Variants in PRIM2 observed in about 807,000 individuals in gnomAD.
PRIM2 encodes DNA primase large subunit.
In PRIM2, 39 loss-of-function variants were observed where a neutral mutation model predicts 67.3. The ratio of observed to expected loss-of-function variants is 0.58; its 90% CI spans 0.45 to 0.76. The LOEUF is 0.76. Ranked by LOEUF, PRIM2 falls within the 30% of genes least tolerant of loss-of-function variation. The pLI is 0.00. For synonymous variants in PRIM2, 143 were observed against 198.7 expected, an observed-to-expected ratio of 0.72 and a Z score of 2.36; for missense variants, 398 against 598.7, an observed-to-expected ratio of 0.66 and a Z score of 3.50.
At chr6:57,340,661 A>T (rs1217166764) in intron 5 of PRIM2, among the ~76,000 whole-genome samples, 3 of 151,922 alleles carry the variant, frequency 2.0e-5, no homozygotes, top group Non-Finnish European at 4.4e-5. Context: ...AACAATGAGA[A>T]CACATGGACA....
At chr6:57,474,467 C>T (rs1773426253) in intron 7 of PRIM2, among the ~76,000 whole-genome samples, 2 of 152,246 alleles carry the variant, frequency 1.3e-5, no homozygotes, top group South Asian at 4.2e-4. Flanking sequence ...AGCCACCGCG[C>T]CCAGCTTACT....
chr6:57,271,611 TTG>T, the PRIM2 span, among the ~76,000 whole-genome samples: 1 of 152,226 alleles, frequency 6.6e-6, no homozygotes, highest in Non-Finnish European at 1.5e-5. Context: ...GAAGGGTTTT[TTG>T]TGTCTCTATT....
intron 7 of PRIM2, among the ~76,000 whole-genome samples, chr6:57,440,500 T>C (rs1772170568): frequency 6.6e-6 from 1 of 152,204 alleles, no homozygotes; most frequent in East Asian, 1.9e-4. Context: ...TGGTTTAGGA[T>C]CATATTCCTC....
intron 10 of PRIM2, among the ~76,000 whole-genome samples, chr6:57,576,083 T>A (rs1775959538): frequency 6.6e-6 from 1 of 152,064 alleles, no homozygotes. Context: ...CAGCCTAAAT[T>A]GTCTGATTTA....
chr6:57,487,643 A>G (rs1177771341), intron 7 of PRIM2, among the ~76,000 whole-genome samples: 1 of 152,270 alleles, frequency 6.6e-6, no homozygotes, highest in Admixed American at 6.5e-5. Context: ...ACTAAAAACC[A>G]TATGGCAATA....
chr6:57,395,979 G>T (rs1770503255), intron 7 of PRIM2, among the ~76,000 whole-genome samples: 1 of 152,154 alleles, frequency 6.6e-6, no homozygotes, highest in Admixed American at 6.6e-5. Context: ...GTTCCTTTTG[G>T]AGTTGATTTC....
chr6:57,271,768 G>A, the PRIM2 span, among the ~76,000 whole-genome samples: 2 of 152,276 alleles, frequency 1.3e-5, no homozygotes, highest in East Asian at 3.9e-4. Flanking sequence ...GGCATTTAGT[G>A]CTATAAATTT....
intron 7 of PRIM2, among the ~76,000 whole-genome samples, chr6:57,472,157 C>T (rs1483252686): frequency 5.9e-5 from 9 of 151,870 alleles, no homozygotes; most frequent in East Asian, 1.9e-4. Flanking sequence ...TGGCTGGGCG[C>T]GGTGGCTCAC....
At chr6:57,231,422 C>G in the PRIM2 span, among the ~76,000 whole-genome samples, 110 of 152,002 alleles carry the variant, frequency 7.2e-4, no homozygotes, top group Non-Finnish European at 2.9e-5. Flanking sequence ...AAATTACAAA[C>G]TGAGAAAAAA....
At chr6:57,376,786 TC>T (rs1435123925) in intron 5 of PRIM2, among the ~76,000 whole-genome samples, 3 of 152,226 alleles carry the variant, frequency 2.0e-5, no homozygotes, top group African/African-American at 7.2e-5. Flanking sequence ...TATTCCTAGA[TC>T]CTTGATAGTT....
At chr6:57,522,533 A>T (rs1156471570) in intron 8 of PRIM2, among the ~76,000 whole-genome samples, 4 of 152,110 alleles carry the variant, frequency 2.6e-5, no homozygotes, top group African/African-American at 9.7e-5. Context: ...TTATTTTTTT[A>T]AGAGATGGGG....
At chr6:57,607,648 A>G (rs2127493299) in intron 12 of PRIM2, among the ~76,000 whole-genome samples, 1 of 152,276 alleles carries the variant, frequency 6.6e-6, no homozygotes, top group East Asian at 1.9e-4. Flanking sequence ...TTTCGGTTTG[A>G]GTGACTTAAT....
At chr6:57,433,520 A>G (rs1411097537) in intron 7 of PRIM2, among the ~76,000 whole-genome samples, 20 of 152,072 alleles carry the variant, frequency 1.3e-4, no homozygotes, top group Admixed American at 1.3e-3. Context: ...AGCAGAGCAC[A>G]TATTTTGTCC....
At chr6:57,534,077 C>G (rs1774948168) in intron 9 of PRIM2, among the ~76,000 whole-genome samples, 1 of 152,114 alleles carries the variant, frequency 6.6e-6, no homozygotes, top group Non-Finnish European at 1.5e-5. Flanking sequence ...AACTCTTCTC[C>G]AAATGTTTTC....
At chr6:57,625,169 G>C (rs1462118940) in intron 12 of PRIM2, among the ~76,000 whole-genome samples, 1 of 152,128 alleles carries the variant, frequency 6.6e-6, no homozygotes, top group Non-Finnish European at 1.5e-5. Flanking sequence ...AGATAAACAA[G>C]TAAGTGTAGT....
In PRIM2 at chr6:57,585,846, C is replaced by G. The variant is rs1188823789; in HGVS notation, c.1021-15247C>G. ...GTTCAAGGAAATAAAGCATTATTCT[C>G]TTCTCTCAGCAATCTAAGTCCATCT... On this transcript the variant is annotated intron_variant, in intron 10 of 13. Coordinates refer to ENST00000615550, the MANE Select transcript of PRIM2 (RefSeq NM_000947.5). 2.7e-3 allele frequency among the ~76,000 whole-genome samples: 418 copies of G among 152,294 alleles called. 22 individuals are homozygous for G. In the South Asian group the frequency reaches 0.077, roughly 28 times the overall value.
At chr6:57,471,600 TG>T (rs1773339040) in intron 7 of PRIM2, among the ~76,000 whole-genome samples, 1 of 152,204 alleles carries the variant, frequency 6.6e-6, no homozygotes, top group African/African-American at 2.4e-5. Flanking sequence ...GTTAGCTACA[TG>T]GTCTGTTTAT....
chr6:57,553,676 A>C (rs1775449038), intron 10 of PRIM2, among the ~76,000 whole-genome samples: 1 of 151,564 alleles, frequency 6.6e-6, no homozygotes, highest in Non-Finnish European at 1.5e-5. Context: ...TTGAGGCTCC[A>C]TTACTTGCTC....
chr6:57,644,595 T>C (rs1777301186), intron 13 of PRIM2, among the ~76,000 whole-genome samples: 1 of 152,184 alleles, frequency 6.6e-6, no homozygotes, highest in Non-Finnish European at 1.5e-5. Context: ...ATATGCAAAA[T>C]TATCACTGGT....
Sources: allele counts gnomAD v4.1 joint callset (sites outside exome capture counted in the v4.1 genomes callset), GRCh38; gene constraint gnomAD v4.1.1; transcripts MANE v1.5; gene names NCBI Gene and HGNC (gene_info 2026-07-23, HGNC 2026-07-21).